Variants in LIMA1 observed in about 807,000 individuals in gnomAD.
LIMA1 encodes the protein LIM domain and actin binding 1.
Under a neutral mutation model 62.6 loss-of-function variants are expected in LIMA1, and 52 were observed. The ratio of observed to expected loss-of-function variants is 0.83; its 90% CI spans 0.67 to 1.05. LIMA1 has a LOEUF of 1.05. LIMA1 is among the 50% of genes least tolerant of loss of function. LIMA1 has a pLI of 0.00. For synonymous variants in LIMA1, 302 were observed against 317.8 expected, an observed-to-expected ratio of 0.95 and a Z score of 0.53; for missense variants, 780 against 902.2, an observed-to-expected ratio of 0.86 and a Z score of 1.74.
chr12:50,207,770 G>T (rs749859957), intron 4 of LIMA1, among the ~76,000 whole-genome samples: 4 of 151,650 alleles, frequency 2.6e-5, no homozygotes, highest in African/African-American at 4.8e-5. Context: ...TGCACCTGCG[G>T]TCCCAGCTAC....
intron 4 of LIMA1, among the ~76,000 whole-genome samples, chr12:50,211,653 GCAAA>G (rs1033605450): frequency 9.2e-5 from 14 of 152,158 alleles, no homozygotes; most frequent in South Asian, 4.1e-4. Flanking sequence ...TCAAAAGCAA[GCAAA>G]CAAACAAACA....
intron 1 of LIMA1, among the ~76,000 whole-genome samples, chr12:50,251,976 G>C (rs1321893814): frequency 6.6e-6 from 1 of 152,156 alleles, no homozygotes; most frequent in Non-Finnish European, 1.5e-5. Context: ...CCAGGCTATT[G>C]AATAACTACT....
At chr12:50,228,911 T>TG (rs1194304588) in intron 3 of LIMA1, among the ~76,000 whole-genome samples, 1 of 152,204 alleles carries the variant, frequency 6.6e-6, no homozygotes, top group Admixed American at 6.5e-5. Flanking sequence ...GTAATAGAGA[T>TG]GGGGTCTGCT....
intron 1 of LIMA1, among the ~76,000 whole-genome samples, chr12:50,253,553 C>A (rs529054776): frequency 1.3e-5 from 2 of 152,280 alleles, no homozygotes; most frequent in African/African-American, 4.8e-5. Context: ...AATCCCTGAA[C>A]CACCTAGCTG....
At chr12:50,222,668 G>A (rs1379876505) in intron 3 of LIMA1, 183 bp from the exon 4 acceptor site, 1 of 1,509,092 alleles carries the variant, frequency 6.6e-7, no homozygotes, top group African/African-American at 1.4e-5. Flanking sequence ...GGGAGAGGGA[G>A]AGGGGAAGAG....
At chr12:50,242,300 G>C (rs553985369) in intron 2 of LIMA1, among the ~76,000 whole-genome samples, 2 of 151,558 alleles carry the variant, frequency 1.3e-5, no homozygotes, top group South Asian at 4.2e-4. Context: ...CTGACTTGAA[G>C]GTCAATTTTT....
At position 50,181,950 on chromosome 12, in the gene LIMA1, A is replaced by G. The variant is rs1320733840; in HGVS notation, c.1228T>C (p.Phe410Leu). The change falls in exon 10 of 11, where the codon TTT becomes CTT. Residue 410 changes from phenylalanine to leucine, a missense_variant. Physicochemically the swap from Phe to Leu is conservative, Grantham distance 22. Coordinates refer to ENST00000341247, the MANE Select transcript of LIMA1 (RefSeq NM_016357.5). Reference protein sequence around the residue: ...MERLLANQQVFHISCFRCSYC... With the variant: ...MERLLANQQVLHISCFRCSYC... ...GAGCAACGGAAGCAGCTGATGTGAA[A>G]CACCTGCTGGTTGGCCAAGAGACGC... 6.2e-7 allele frequency: 1 copy of G among 1,613,808 alleles called. No homozygotes were observed. Among genetic ancestry groups the G allele is most frequent in the Non-Finnish European group, 8.5e-7 (1 of 1,180,030 alleles).
intron 1 of LIMA1, among the ~76,000 whole-genome samples, chr12:50,275,088 G>A (rs1942260266): frequency 6.6e-6 from 1 of 152,122 alleles, no homozygotes; most frequent in Admixed American, 6.5e-5. Context: ...CAGGTGCGGT[G>A]GCTCATGCCT....
intron 2 of LIMA1, among the ~76,000 whole-genome samples, chr12:50,239,902 G>A (rs969426430): frequency 2.0e-5 from 3 of 151,928 alleles, no homozygotes; most frequent in African/African-American, 4.8e-5. Context: ...GCTGAGGTGG[G>A]AGGATCACCT....
chr12:50,183,246 G>T (rs1940547192), intron 9 of LIMA1, among the ~76,000 whole-genome samples: 1 of 152,002 alleles, frequency 6.6e-6, no homozygotes, highest in African/African-American at 2.4e-5. Flanking sequence ...TAAGGGGTGG[G>T]GAGTAGATGG....
intron 1 of LIMA1, among the ~76,000 whole-genome samples, chr12:50,268,590 A>G (rs1182293108): frequency 9.2e-6 from 1 of 108,968 alleles, no homozygotes; most frequent in Non-Finnish European, 2.0e-5. Flanking sequence ...CACTGCCATG[A>G]AGCAATTATT....
chr12:50,243,576 G>A (rs1301807848), intron 2 of LIMA1, among the ~76,000 whole-genome samples: 1 of 152,178 alleles, frequency 6.6e-6, no homozygotes, highest in Non-Finnish European at 1.5e-5. Context: ...TTTCCACTGA[G>A]TATAAAACCT....
Position 50,246,620 on chromosome 12 carries a change from T to C in LIMA1, c.119+2013A>G, listed in dbSNP as rs573319648. On this transcript the variant is annotated intron_variant, in intron 2 of 10. Coordinates refer to ENST00000341247, the MANE Select transcript of LIMA1 (RefSeq NM_016357.5). ...GTCACTCTCCCCACATGAAAACCAA[T>C]TGCGTTCCCTGGTTTTCTTACTAAA... is the stretch of plus-strand genomic sequence containing the variant. 6.4e-4 allele frequency among the ~76,000 whole-genome samples: 98 copies of C among 152,310 alleles called. 2 individuals carry two copies. Among genetic ancestry groups the C allele is most frequent in the African/African-American group, 2.3e-3 (96 of 41,562 alleles).
At chr12:50,186,725 T>C (rs905855791) in intron 9 of LIMA1, 3 of 152,192 alleles carry the variant, frequency 2.0e-5, no homozygotes, top group African/African-American at 4.8e-5. Context: ...AGACATCACT[T>C]CTGTTCATAA....
intron 2 of LIMA1, among the ~76,000 whole-genome samples, chr12:50,242,208 G>A (rs1203712667): frequency 6.6e-6 from 1 of 151,458 alleles, no homozygotes; most frequent in Non-Finnish European, 1.5e-5. Context: ...AAACTCCCAA[G>A]GTTTAAGCAA....
At chr12:50,258,069 C>T (rs1024490267) in intron 1 of LIMA1, among the ~76,000 whole-genome samples, 5 of 152,080 alleles carry the variant, frequency 3.3e-5, no homozygotes, top group African/African-American at 1.2e-4. Context: ...TTAGCACTTC[C>T]TTACTTTCTA....
intron 3 of LIMA1, chr12:50,224,355 T>C (rs1941495289): frequency 6.6e-6 from 1 of 152,218 alleles, no homozygotes. Context: ...AGTGTTTAAA[T>C]TTTAGCTTAC....
intron 1 of LIMA1, among the ~76,000 whole-genome samples, chr12:50,258,626 A>G (rs887897726): frequency 5.6e-5 from 7 of 124,944 alleles, no homozygotes; most frequent in African/African-American, 2.2e-4. Flanking sequence ...ATTTAGCTCT[A>G]TATCTACCTA....
intron 3 of LIMA1, among the ~76,000 whole-genome samples, chr12:50,227,084 A>G (rs1941540923): frequency 6.6e-6 from 1 of 151,880 alleles, no homozygotes; most frequent in African/African-American, 2.4e-5. Context: ...AAATACATAG[A>G]TAGATGTATA....
Sources: gnomAD v4.1 joint callset for allele counts (sites outside exome capture counted in the v4.1 genomes callset) on GRCh38, gnomAD v4.1.1 for gene constraint, MANE v1.5 for transcripts, NCBI Gene and HGNC (gene_info 2026-07-23, HGNC 2026-07-21) for gene names.